Variants in BTAF1 observed in about 807,000 individuals in gnomAD.
The protein encoded by BTAF1 is TATA-binding protein-associated factor 172.
A neutral mutation model predicts 227.1 loss-of-function variants in BTAF1; 38 were observed. The observed-to-expected ratio is 0.17, with a 90% CI of 0.13 to 0.22. BTAF1 has a LOEUF of 0.22. Among genes scored for constraint, BTAF1 ranks in the 10% least tolerant of loss-of-function variants. The pLI, the probability that BTAF1 is intolerant of heterozygous loss-of-function variation, is 1.00. For missense variants in BTAF1, 1,598 were observed against 2,204.0 expected, an observed-to-expected ratio of 0.73 and a Z score of 5.51; for synonymous variants, 742 against 751.9, an observed-to-expected ratio of 0.99 and a Z score of 0.21.
chr10:91,981,562 C>A, intron 15 of BTAF1, 81 bp from the exon 16 acceptor site: 6 of 1,385,494 alleles, frequency 4.3e-6, no homozygotes, highest in East Asian at 2.4e-5. Flanking sequence ...CTTAAAAAAA[C>A]CTCAGTATTC....
At chr10:91,931,680 T>C (rs1844284757) in intron 1 of BTAF1, among the ~76,000 whole-genome samples, 1 of 152,224 alleles carries the variant, frequency 6.6e-6, no homozygotes, top group South Asian at 2.1e-4. Flanking sequence ...ACAAGTTCAC[T>C]GTACCAGCCT....
intron 30 of BTAF1, 59 bp from the exon 31 acceptor site, chr10:92,013,608 T>A: frequency 6.2e-7 from 1 of 1,604,052 alleles, no homozygotes; most frequent in East Asian, 2.2e-5. Flanking sequence ...TTAATGTTAC[T>A]TTTTTAGTTG....
At chr10:91,942,283 C>A (rs1325973672) in intron 3 of BTAF1, 139 bp from the exon 4 acceptor site, 12 of 641,862 alleles carry the variant, frequency 1.9e-5, no homozygotes, top group Non-Finnish European at 2.9e-5. Context: ...GACCTCACTT[C>A]TTAAAAAAAA....
Position 91,956,614 on chromosome 10 carries a change from T to A in BTAF1, c.788T>A (p.Val263Asp), listed in dbSNP as rs757883590. Residue 263 changes from valine (V) to aspartate (D), a missense_variant, in exon 7 of 38, where the codon GTC becomes GAC. By Grantham distance (152) the Val-to-Asp change is radical (BLOSUM62 -3). This residue lies in a region of BTAF1 where 298 missense variants were observed against 395.2 expected (regional missense o/e 0.75). Transcript: ENST00000265990. The part of the protein sequence containing the change: ...VINQSANDSK[V>D]LIDNIPDSSS... ...AATCAGTCTGCAAATGATTCCAAAGTCTTGATTGATAATATTCCAGACAGC... is the reference window on the plus strand; with the variant it reads ...AATCAGTCTGCAAATGATTCCAAAGACTTGATTGATAATATTCCAGACAGC... The A allele has an allele frequency of 1.8e-5, 29 of 1,609,626 alleles. No individual in the cohort carries two copies. The highest frequency in any genetic ancestry group is 2.2e-5 in the Non-Finnish European group (26 of 1,178,650).
In BTAF1 at chr10:91,994,685, CAA is replaced by C. The variant is rs780351356; in HGVS notation, c.3309+42_3309+43del. 8 of 1,508,748 alleles carry C rather than the reference CAA, an allele frequency of 5.3e-6. No individual in the cohort carries two copies. The South Asian group carries it at 9.1e-5, about 17-fold the overall frequency. 93.5% of individuals were successfully genotyped at this position (1,508,748 alleles called of 1,614,324 possible). A position where few individuals can be genotyped will look rare whatever the true frequency, so the allele number is the denominator to read the frequency against. On this transcript the variant is annotated intron_variant, in intron 23 of 37. Coordinates refer to ENST00000265990, the MANE Select transcript of BTAF1 (RefSeq NM_003972.3). ...AAGTGTAATATTTCTTCAAATAAAA[CAA>C]GTGGTCTTATTAAAAAGTCTTAAGG...
rs927358272 is a variant in BTAF1 at position 91,942,460 on chromosome 10, A to G, written c.292A>G (p.Thr98Ala). ...SESSMEDSPT[T>A]ERLNFDRFDI... ...AAGTTCTATGGAAGATTCACCTACTACAGAGCGATTGAATTTTGACAGATT... is the reference window on the plus strand; with the variant it reads ...AAGTTCTATGGAAGATTCACCTACTGCAGAGCGATTGAATTTTGACAGATT... The change falls in exon 4 of 38, where the codon ACA becomes GCA. Residue 98 changes from threonine to alanine, a missense_variant. By Grantham distance (58) the Thr-to-Ala change is moderately conservative (BLOSUM62 0). Transcript: ENST00000265990. 4.3e-6 allele frequency: 7 copies of G among 1,613,926 alleles called. No homozygotes were observed. Among genetic ancestry groups the G allele is most frequent in the South Asian group, 1.1e-5 (1 of 91,084 alleles).
intron 14 of BTAF1, among the ~76,000 whole-genome samples, chr10:91,973,228 A>G (rs1589846636): frequency 7.3e-6 from 1 of 136,876 alleles, no homozygotes; most frequent in East Asian, 2.1e-4. Context: ...GATCCCTTAA[A>G]TAGACAGGAT....
At position 92,011,290 on chromosome 10, in the gene BTAF1, A is replaced by G; in HGVS notation, c.4186A>G (p.Ile1396Val). ...TTTCTATTTATTCTCCCTTAGAAAT[A>G]TTAAATTTAACTACTGCATTCTTGA... ...VRNDIDFFRN[I>V]KFNYCILDEG... Residue 1396 changes from isoleucine (I) to valine (V), a missense_variant, in exon 30 of 38, where the codon ATT becomes GTT. By Grantham distance (29) the Ile-to-Val change is conservative. Coordinates refer to ENST00000265990, the MANE Select transcript of BTAF1 (RefSeq NM_003972.3). The G allele has an allele frequency of 6.6e-7, 1 of 1,505,514 alleles. No individual in the cohort carries two copies. Among genetic ancestry groups the G allele is most frequent in the Non-Finnish European group, 8.9e-7 (1 of 1,123,648 alleles). 93.3% of individuals were successfully genotyped at this position (1,505,514 alleles called of 1,614,324 possible).
At position 91,995,045 on chromosome 10, in the gene BTAF1, A is replaced by C. The variant is rs1849039229; in HGVS notation, c.3309+401A>C. Among the ~76,000 whole-genome samples, 10 of 152,344 alleles carry C rather than the reference A, an allele frequency of 6.6e-5. No individual in the cohort carries two copies. In the South Asian group the frequency reaches 2.1e-3, roughly 32 times the overall value. ...CAAAGGTGAAAGGAGTCACCTGCCTAAGGTGAAGCTGGTCAGTGGCAAAGA... is the reference window on the plus strand; with the variant it reads ...CAAAGGTGAAAGGAGTCACCTGCCTCAGGTGAAGCTGGTCAGTGGCAAAGA... On this transcript the variant is annotated intron_variant, in intron 23 of 37. Transcript: ENST00000265990.
At chr10:92,000,750 C>T (rs1233738375) in intron 25 of BTAF1, among the ~76,000 whole-genome samples, 1 of 152,140 alleles carries the variant, frequency 6.6e-6, no homozygotes, top group Non-Finnish European at 1.5e-5. Flanking sequence ...GACGGGGTTT[C>T]ACCATGTTGG....
At chr10:91,968,360 A>G (rs1847071432) in intron 14 of BTAF1, among the ~76,000 whole-genome samples, 1 of 152,060 alleles carries the variant, frequency 6.6e-6, no homozygotes. Flanking sequence ...AGGTTTCTCC[A>G]TGTCTTTTCA....
chr10:92,018,754 T>A, intron 33 of BTAF1, 29 bp from the exon 34 acceptor site: 1 of 1,425,928 alleles, frequency 7.0e-7, no homozygotes, highest in Non-Finnish European at 9.3e-7. Context: ...CGAAATTGAC[T>A]CATATATACT....
chr10:91,967,810 TC>T (rs1847026263), intron 14 of BTAF1, among the ~76,000 whole-genome samples: 1 of 152,228 alleles, frequency 6.6e-6, no homozygotes, highest in Non-Finnish European at 1.5e-5. Flanking sequence ...ATTCTTAAAT[TC>T]ATTTTATGTA....
Position 92,011,304 on chromosome 10 carries a change from C to T in BTAF1, c.4200C>T (p.Tyr1400=). Residue 1400 remains tyrosine, a synonymous_variant, in exon 30 of 38, where the codon TAC becomes TAT. Coordinates refer to ENST00000265990, the MANE Select transcript of BTAF1 (RefSeq NM_003972.3). ...CCCTTAGAAATATTAAATTTAACTA[C>T]TGCATTCTTGATGAAGGCCATGTCA... ...IDFFRNIKFN[Y]CILDEGHVIK... is the part of the protein sequence containing the mutation. The T allele has an allele frequency of 6.7e-7, 1 of 1,502,610 alleles. No individual in the cohort carries two copies. The allele number at this position is 1,502,610 out of a possible 1,614,324, so 93.1% of individuals were successfully genotyped here.
chr10:91,931,945 A>T (rs1354802800), intron 1 of BTAF1, among the ~76,000 whole-genome samples: 2 of 152,202 alleles, frequency 1.3e-5, no homozygotes, highest in South Asian at 4.1e-4. Flanking sequence ...TTACCATCCA[A>T]AGTGGAAGAA....
In BTAF1 at chr10:91,982,184, C is replaced by G. The variant is rs1386833321; in HGVS notation, c.2007C>G (p.Thr669=). 1 of 1,613,796 alleles carries G rather than the reference C, an allele frequency of 6.2e-7. No homozygotes were observed. Among genetic ancestry groups the G allele is most frequent in the Non-Finnish European group, 8.5e-7 (1 of 1,179,902 alleles). ...GADTIMEDPA[T]RDFVVMRARM... is the part of the protein sequence containing the mutation. The stretch of plus-strand genomic sequence containing the variant: ...ACACCATCATGGAAGACCCAGCCAC[C>G]AGGGATTTTGTAGTTATGCGGGCCA... The change falls in exon 17 of 38, where the codon ACC becomes ACG. Residue 669 remains threonine, a synonymous_variant. Transcript: ENST00000265990.
intron 14 of BTAF1, among the ~76,000 whole-genome samples, chr10:91,973,937 G>T (rs1847503798): frequency 2.7e-5 from 4 of 148,302 alleles, no homozygotes. Flanking sequence ...ACTTTCCCAA[G>T]CTCATATAAG....
chr10:91,972,922 T>C (rs1564685356), intron 14 of BTAF1, among the ~76,000 whole-genome samples: 1 of 152,244 alleles, frequency 6.6e-6, no homozygotes, highest in African/African-American at 2.4e-5. Flanking sequence ...AGATATTATA[T>C]AATATACACT....
At chr10:91,981,561 AC>A (rs1213294136) in intron 15 of BTAF1, 81 bp from the exon 16 acceptor site, 44 of 1,378,208 alleles carry the variant, frequency 3.2e-5, no homozygotes, top group Non-Finnish European at 4.1e-5. Flanking sequence ...ACTTAAAAAA[AC>A]CTCAGTATTC....
Sources: allele counts gnomAD v4.1 joint callset (sites outside exome capture counted in the v4.1 genomes callset), GRCh38; gene constraint gnomAD v4.1.1; regional missense constraint gnomAD v4.1.1; transcripts MANE v1.5; gene names NCBI Gene and HGNC (gene_info 2026-07-23, HGNC 2026-07-21).